Variants in SH3RF3 observed in about 807,000 individuals in gnomAD.
SH3RF3 encodes E3 ubiquitin-protein ligase SH3RF3.
SH3RF3 carries 29 observed loss-of-function variants against 66.3 expected under a neutral mutation model. The ratio of observed to expected loss-of-function variants is 0.44; its 90% CI spans 0.33 to 0.60. SH3RF3 has a LOEUF of 0.60. SH3RF3 is among the 20% of genes least tolerant of loss of function. SH3RF3 has a pLI of 0.04. For missense variants in SH3RF3, 1,194 were observed against 1,190.9 expected, an observed-to-expected ratio of 1.00 and a Z score of -0.04; for synonymous variants, 583 against 532.0, an observed-to-expected ratio of 1.10 and a Z score of -1.32.
intron 1 of SH3RF3, among the ~76,000 whole-genome samples, chr2:109,243,186 T>G (rs928268615): frequency 1.3e-5 from 2 of 152,216 alleles, no homozygotes; most frequent in Non-Finnish European, 1.5e-5. Flanking sequence ...GAAAGCTTCT[T>G]GAGGTCTGAG....
intron 1 of SH3RF3, among the ~76,000 whole-genome samples, chr2:109,345,356 A>G (rs900767873): frequency 6.6e-6 from 1 of 152,162 alleles, no homozygotes; most frequent in African/African-American, 2.4e-5. Context: ...GTGCTCAGAT[A>G]GCACGAGCCG....
chr2:109,454,090 G>C (rs576751332), intron 8 of SH3RF3, among the ~76,000 whole-genome samples: 1 of 152,326 alleles, frequency 6.6e-6, no homozygotes, highest in South Asian at 2.1e-4. Context: ...ATAAAAGTCA[G>C]TGCAACTTAC....
chr2:109,428,074 G>T (rs58399658), intron 5 of SH3RF3, among the ~76,000 whole-genome samples: 1 of 152,196 alleles, frequency 6.6e-6, no homozygotes, highest in African/African-American at 2.4e-5. Flanking sequence ...CACTCCTGCT[G>T]TGGGTCTTCC....
At chr2:109,387,521 C>T (rs1033783474) in intron 3 of SH3RF3, among the ~76,000 whole-genome samples, 5 of 152,204 alleles carry the variant, frequency 3.3e-5, no homozygotes, top group Non-Finnish European at 5.9e-5. Context: ...CATGCTGTTC[C>T]CACCTGCCCA....
intron 1 of SH3RF3, among the ~76,000 whole-genome samples, chr2:109,147,861 A>G (rs1375788541): frequency 6.6e-6 from 1 of 152,244 alleles, no homozygotes; most frequent in Non-Finnish European, 1.5e-5. Flanking sequence ...ATTTCCATAT[A>G]TACATATAAA....
intron 4 of SH3RF3, among the ~76,000 whole-genome samples, chr2:109,412,127 A>C (rs1676606737): frequency 6.6e-6 from 1 of 152,184 alleles, no homozygotes; most frequent in Non-Finnish European, 1.5e-5. Context: ...GGATGCCGGC[A>C]CAGATGGGAT....
intron 2 of SH3RF3, among the ~76,000 whole-genome samples, chr2:109,351,674 C>T (rs1036471913): frequency 3.9e-5 from 6 of 152,170 alleles, no homozygotes; most frequent in South Asian, 4.1e-4. Flanking sequence ...AGAGAGTGCC[C>T]GCTGATCATG....
intron 1 of SH3RF3, among the ~76,000 whole-genome samples, chr2:109,326,692 T>A (rs1322775225): frequency 1.3e-5 from 2 of 152,222 alleles, no homozygotes; most frequent in African/African-American, 4.8e-5. Flanking sequence ...TCTTGAAAGA[T>A]CTATCTGTTC....
At chr2:109,173,924 A>G (rs1222892978) in intron 1 of SH3RF3, among the ~76,000 whole-genome samples, 3 of 152,228 alleles carry the variant, frequency 2.0e-5, no homozygotes, top group Non-Finnish European at 2.9e-5. Context: ...GTGTGGGCCA[A>G]TTCTTATGCC....
chr2:109,224,937 G>A (rs1444817522), intron 1 of SH3RF3, among the ~76,000 whole-genome samples: 5 of 152,008 alleles, frequency 3.3e-5, no homozygotes, highest in Admixed American at 3.3e-4. Context: ...CTACTCTAAT[G>A]GACAGCTAGA....
intron 1 of SH3RF3, among the ~76,000 whole-genome samples, chr2:109,186,476 C>G (rs750957921): frequency 7.2e-5 from 11 of 152,214 alleles, no homozygotes; most frequent in African/African-American, 2.4e-4. Context: ...CGTGGGAGTT[C>G]AAGGTGTGTG....
At chr2:109,386,832 A>G (rs1675836170) in intron 3 of SH3RF3, among the ~76,000 whole-genome samples, 1 of 152,156 alleles carries the variant, frequency 6.6e-6, no homozygotes, top group South Asian at 2.1e-4. Flanking sequence ...TCACAAAACC[A>G]AAGACACCAA....
Position 109,400,649 on chromosome 2 carries a change from T to C in SH3RF3, c.1299+1706T>C, listed in dbSNP as rs371122825. On this transcript the variant is annotated intron_variant, in intron 4 of 9. Transcript: ENST00000309415. ...ACCCACACATACACCCGTGCACACA[T>C]GTAGACATTTATACATGCGCACACA... Among the ~76,000 whole-genome samples the C allele has an allele frequency of 4.6e-5, 7 of 151,972 alleles. No individual in the cohort carries two copies. In the East Asian group the frequency reaches 9.7e-4, roughly 21 times the overall value.
At chr2:109,433,015 T>C (rs1677285126) in intron 6 of SH3RF3, among the ~76,000 whole-genome samples, 1 of 152,266 alleles carries the variant, frequency 6.6e-6, no homozygotes, top group African/African-American at 2.4e-5. Flanking sequence ...GTGTTCAGCG[T>C]GTATGCTATG....
intron 1 of SH3RF3, among the ~76,000 whole-genome samples, chr2:109,202,762 A>G (rs1009720279): frequency 6.6e-6 from 1 of 152,018 alleles, no homozygotes; most frequent in African/African-American, 2.4e-5. Flanking sequence ...CCCTTCCCAT[A>G]CTATGGAGCT....
intron 2 of SH3RF3, among the ~76,000 whole-genome samples, chr2:109,367,306 A>C (rs1477005937): frequency 6.8e-6 from 1 of 147,812 alleles, no homozygotes; most frequent in African/African-American, 2.5e-5. Flanking sequence ...TTTTAGATGG[A>C]GTCTTGCTCT....
chr2:109,450,311 A>G (rs1288251078), intron 8 of SH3RF3, among the ~76,000 whole-genome samples: 1 of 151,844 alleles, frequency 6.6e-6, no homozygotes, highest in Non-Finnish European at 1.5e-5. Context: ...GTGCCACTGC[A>G]CTCCAGCCTG....
chr2:109,339,765 T>C (rs2105522597), intron 1 of SH3RF3, among the ~76,000 whole-genome samples: 1 of 152,260 alleles, frequency 6.6e-6, no homozygotes, highest in African/African-American at 2.4e-5. Flanking sequence ...TGGGATCTCT[T>C]CCCAGAAAGT....
intron 8 of SH3RF3, among the ~76,000 whole-genome samples, chr2:109,473,899 C>A (rs1678603025): frequency 6.6e-6 from 1 of 152,224 alleles, no homozygotes. Context: ...GCCCCTTGAT[C>A]ATCAGCAGTG....
Sources: gnomAD v4.1 joint callset for allele counts (sites outside exome capture counted in the v4.1 genomes callset) on GRCh38, gnomAD v4.1.1 for gene constraint, MANE v1.5 for transcripts, NCBI Gene and HGNC (gene_info 2026-07-23, HGNC 2026-07-21) for gene names.